Variants in LAMA2 observed in about 807,000 individuals in gnomAD.
The protein encoded by LAMA2 is laminin subunit alpha 2.
LAMA2 carries 269 observed loss-of-function variants against 364.8 expected under a neutral mutation model. The observed-to-expected ratio is 0.74, with a 90% CI of 0.67 to 0.82. The LOEUF is 0.82. Ranked by LOEUF, LAMA2 falls within the 40% of genes least tolerant of loss-of-function variation. The pLI is 0.00. For synonymous variants in LAMA2, 1,379 were observed against 1,370.6 expected, an observed-to-expected ratio of 1.01 and a Z score of -0.14; for missense variants, 3,807 against 3,873.2, an observed-to-expected ratio of 0.98 and a Z score of 0.45.
chr6:129,209,257 A>G (rs953742198), intron 12 of LAMA2, among the ~76,000 whole-genome samples: 4 of 152,228 alleles, frequency 2.6e-5, no homozygotes, highest in African/African-American at 9.6e-5. Flanking sequence ...AAATGTAAAT[A>G]TGTTAATATC....
chr6:129,224,435 G>C (rs946962748), intron 12 of LAMA2, among the ~76,000 whole-genome samples: 8 of 152,062 alleles, frequency 5.3e-5, no homozygotes, highest in African/African-American at 1.9e-4. Flanking sequence ...GTTTTCAAAG[G>C]GAATGCTTCC....
chr6:129,060,414 G>A (rs901523110), intron 3 of LAMA2, among the ~76,000 whole-genome samples: 10 of 152,204 alleles, frequency 6.6e-5, no homozygotes, highest in South Asian at 2.1e-4. Context: ...ATTGATGCCG[G>A]AAGTTGTTCA....
At chr6:129,410,326 TA>T (rs61705472) in intron 40 of LAMA2, among the ~76,000 whole-genome samples, 74,080 of 147,860 alleles carry the variant, frequency 0.5, 18,658 homozygotes, top group African/African-American at 0.61. Context: ...TATGCTGAAT[TA>T]AAAAAAAAAA....
intron 12 of LAMA2, among the ~76,000 whole-genome samples, chr6:129,217,526 A>G (rs1783504214): frequency 6.6e-6 from 1 of 152,166 alleles, no homozygotes; most frequent in South Asian, 2.1e-4. Context: ...TGTACAAAGG[A>G]TATTTCTCCT....
At chr6:129,046,940 C>T (rs566993476) in intron 1 of LAMA2, among the ~76,000 whole-genome samples, 13 of 152,308 alleles carry the variant, frequency 8.5e-5, no homozygotes, top group African/African-American at 2.9e-4. Flanking sequence ...TACTGTCTGG[C>T]ATAATATGTG....
intron 40 of LAMA2, among the ~76,000 whole-genome samples, chr6:129,405,001 G>T (rs9388703): frequency 6.6e-6 from 1 of 151,916 alleles, no homozygotes; most frequent in Non-Finnish European, 1.5e-5. Context: ...ATGTTCTGTT[G>T]ACTTCTTATT....
intron 1 of LAMA2, among the ~76,000 whole-genome samples, chr6:128,911,801 CCTCA>C (rs1032573792): frequency 5.3e-5 from 8 of 152,112 alleles, no homozygotes; most frequent in Admixed American, 2.6e-4. Context: ...CCCAGAAGGC[CCTCA>C]CTGTTTTTTT....
intron 1 of LAMA2, among the ~76,000 whole-genome samples, chr6:128,952,972 G>T (rs1780924098): frequency 6.6e-6 from 1 of 152,080 alleles, no homozygotes; most frequent in Admixed American, 6.6e-5. Context: ...GCCTAAAATG[G>T]CTACTAGTAG....
chr6:129,311,278 C>A (rs373442526), intron 22 of LAMA2, among the ~76,000 whole-genome samples: 51 of 152,184 alleles, frequency 3.4e-4, no homozygotes, highest in African/African-American at 1.2e-3. Flanking sequence ...TCCGCCACCA[C>A]GCCCGGCTAA....
chr6:129,456,163 T>C (rs1782953602), intron 47 of LAMA2, among the ~76,000 whole-genome samples, 172 bp from the exon 48 acceptor site: 2 of 152,148 alleles, frequency 1.3e-5, no homozygotes, highest in Non-Finnish European at 2.9e-5. Context: ...TGAGTATTGA[T>C]TCGAGATCTA....
intron 1 of LAMA2, chr6:128,929,043 C>T (rs189928986): frequency 4.2e-6 from 6 of 1,441,110 alleles, no homozygotes; most frequent in East Asian, 4.6e-5. Context: ...CCAATGGTAT[C>T]CTCTAGCTGT....
rs370518930 is a variant in LAMA2 at position 128,911,161 on chromosome 6, A to T, written c.112+27804A>T. 4.6e-5 allele frequency among the ~76,000 whole-genome samples: 7 copies of T among 151,602 alleles called. No homozygotes were observed. In the South Asian group the frequency reaches 6.3e-4, roughly 14 times the overall value. On this transcript the variant is annotated intron_variant, in intron 1 of 64. Coordinates refer to ENST00000421865, the MANE Select transcript of LAMA2 (RefSeq NM_000426.4). ...AGGCCTCCTTGAGCTGTGGTGGGCT[A>T]CACCCAGTTCGAGCTTCCCGGCTGC...
chr6:129,322,703 A>G (rs1384363833), intron 28 of LAMA2, among the ~76,000 whole-genome samples: 3 of 152,294 alleles, frequency 2.0e-5, no homozygotes, highest in Non-Finnish European at 4.4e-5. Context: ...ATTTTTCTGC[A>G]TTTATTTGAA....
intron 10 of LAMA2, among the ~76,000 whole-genome samples, chr6:129,188,996 A>G (rs1226828258): frequency 1.3e-5 from 2 of 152,050 alleles, no homozygotes; most frequent in African/African-American, 4.8e-5. Flanking sequence ...GAAAAACATG[A>G]CTGCCAAGAG....
At chr6:128,890,390 G>T (rs976781963) in intron 1 of LAMA2, among the ~76,000 whole-genome samples, 1 of 151,682 alleles carries the variant, frequency 6.6e-6, no homozygotes, top group African/African-American at 2.4e-5. Context: ...CACCTCTTTT[G>T]GACTTTTATA....
intron 17 of LAMA2, among the ~76,000 whole-genome samples, chr6:129,271,110 A>T (rs1283499500): frequency 1.3e-5 from 2 of 152,284 alleles, no homozygotes; most frequent in Non-Finnish European, 2.9e-5. Flanking sequence ...TAATAAAAGG[A>T]TATAAATACA....
At chr6:128,890,818 G>A (rs1776411414) in intron 1 of LAMA2, among the ~76,000 whole-genome samples, 1 of 152,024 alleles carries the variant, frequency 6.6e-6, no homozygotes, top group South Asian at 2.1e-4. Context: ...TAGTCAATGT[G>A]TAAATGTCAG....
intron 62 of LAMA2, among the ~76,000 whole-genome samples, chr6:129,512,074 T>G (rs1030269652): frequency 9.9e-5 from 15 of 152,132 alleles, no homozygotes; most frequent in Non-Finnish European, 1.9e-4. Flanking sequence ...GCCAGATACT[T>G]TGGTAAGCAC....
chr6:128,914,725 A>C (rs1050376032), intron 1 of LAMA2, among the ~76,000 whole-genome samples: 1 of 152,154 alleles, frequency 6.6e-6, no homozygotes, highest in Non-Finnish European at 1.5e-5. Context: ...TGTATGTGCT[A>C]ATCAGATAAT....
Sources: gnomAD v4.1 joint callset for allele counts (sites outside exome capture counted in the v4.1 genomes callset) on GRCh38, gnomAD v4.1.1 for gene constraint, MANE v1.5 for transcripts, NCBI Gene and HGNC (gene_info 2026-07-23, HGNC 2026-07-21) for gene names.